The following UGGT2 variants were observed in gnomAD, a reference collection of about 807,000 sequenced individuals.
UGGT2 encodes the protein UDP-glucose:glycoprotein glucosyltransferase 2.
A neutral mutation model predicts 192.1 loss-of-function variants in UGGT2; 180 were observed. That is an observed-to-expected ratio of 0.94 (90% CI 0.83 to 1.06). UGGT2 has a LOEUF of 1.06. UGGT2 is among the 50% of genes least tolerant of loss of function. The probability of loss-of-function intolerance (pLI) is 0.00; values close to 1 mark genes in which losing one functional copy is unlikely to be tolerated. For missense variants in UGGT2, 1,849 were observed against 1,795.7 expected, an observed-to-expected ratio of 1.03 and a Z score of -0.54; for synonymous variants, 580 against 591.0, an observed-to-expected ratio of 0.98 and a Z score of 0.27.
chr13:95,989,412 A>G (rs549844601), intron 8 of UGGT2: 1 of 173,366 alleles, frequency 5.8e-6, no homozygotes, highest in East Asian at 1.6e-4. Context: ...ATCATTACAA[A>G]TAAAGAAGAA....
chr13:95,833,789 T>C (rs1414729197), intron 37 of UGGT2, among the ~76,000 whole-genome samples: 1 of 152,116 alleles, frequency 6.6e-6, no homozygotes, highest in African/African-American at 2.4e-5. Context: ...ATATAAAAAA[T>C]GGATTTGCCA....
chr13:95,865,648 A>G (rs933253249), intron 30 of UGGT2, among the ~76,000 whole-genome samples: 6 of 152,192 alleles, frequency 3.9e-5, no homozygotes, highest in African/African-American at 1.4e-4. Flanking sequence ...TGAGCAACAG[A>G]GCGAGACTAC....
chr13:95,827,058 T>C (rs149400364), intron 38 of UGGT2, among the ~76,000 whole-genome samples: 10 of 152,208 alleles, frequency 6.6e-5, no homozygotes, highest in African/African-American at 1.7e-4. Context: ...ATTTAATATA[T>C]GATAAAGATG....
At chr13:95,860,285 G>A (rs1472698174) in intron 32 of UGGT2, among the ~76,000 whole-genome samples, 3 of 149,078 alleles carry the variant, frequency 2.0e-5, no homozygotes, top group Non-Finnish European at 4.5e-5. Context: ...CACTGGAAAA[G>A]GATAATTTAC....
chr13:95,960,028 G>C (rs769315113), intron 12 of UGGT2, among the ~76,000 whole-genome samples: 4 of 152,134 alleles, frequency 2.6e-5, no homozygotes, highest in Non-Finnish European at 5.9e-5. Flanking sequence ...ATCATACAGA[G>C]ATTACCCTAC....
intron 12 of UGGT2, among the ~76,000 whole-genome samples, chr13:95,957,243 T>C (rs2050237432): frequency 6.6e-6 from 1 of 152,218 alleles, no homozygotes; most frequent in African/African-American, 2.4e-5. Context: ...TGAAAATAAA[T>C]GGTGGTGATG....
intron 24 of UGGT2, among the ~76,000 whole-genome samples, chr13:95,892,043 C>G (rs2047816875): frequency 6.6e-6 from 1 of 152,116 alleles, no homozygotes; most frequent in African/African-American, 2.4e-5. Context: ...ATTAAAGTGA[C>G]TCTTGACAAT....
rs116915520 is a variant in UGGT2 at position 95,948,547 on chromosome 13, G to C, written c.1456-466C>G. 6.1e-3 allele frequency among the ~76,000 whole-genome samples: 934 copies of C among 152,120 alleles called. 3 individuals are homozygous for C. The highest frequency in any genetic ancestry group is 0.011 in the Non-Finnish European group (733 of 67,980). ...TTTCCTATGTGAAAAAACAGCCGTAGGTATTTTCTCCAACTTTCAAAGTTC... is the reference window on the plus strand; with the variant it reads ...TTTCCTATGTGAAAAAACAGCCGTACGTATTTTCTCCAACTTTCAAAGTTC... On this transcript the variant is annotated intron_variant, in intron 13 of 38. Coordinates refer to ENST00000376747, the MANE Select transcript of UGGT2 (RefSeq NM_020121.4).
chr13:96,047,089 T>C (rs1183497320), intron 1 of UGGT2, among the ~76,000 whole-genome samples: 3 of 152,300 alleles, frequency 2.0e-5, no homozygotes, highest in East Asian at 3.9e-4. Flanking sequence ...TGCACACTTA[T>C]ATGTCCCTGT....
intron 29 of UGGT2, among the ~76,000 whole-genome samples, chr13:95,875,441 G>A (rs997877607): frequency 6.6e-6 from 1 of 152,014 alleles, no homozygotes; most frequent in African/African-American, 2.4e-5. Flanking sequence ...GAATATTAAC[G>A]CATTCTGCAA....
chr13:95,894,367 T>C lies in UGGT2; in HGVS notation c.2855+195A>G, dbSNP rs1241501344. Among the ~76,000 whole-genome samples, 2 of 152,130 alleles carry C rather than the reference T, an allele frequency of 1.3e-5. 1 individual carries two copies. Among genetic ancestry groups the C allele is most frequent in the Admixed American group, 1.3e-4 (2 of 15,268 alleles). Reference sequence around the variant, plus strand: ...CTTACTTGAAATTTCGTACACTCTCTCTCCATATATATTACCCTTTATTTA... The same window carrying C: ...CTTACTTGAAATTTCGTACACTCTCCCTCCATATATATTACCCTTTATTTA... On this transcript the variant is annotated intron_variant, in intron 24 of 38. Coordinates refer to ENST00000376747, the MANE Select transcript of UGGT2 (RefSeq NM_020121.4).
At chr13:96,034,820 G>T (rs1451925517) in intron 1 of UGGT2, among the ~76,000 whole-genome samples, 1 of 152,224 alleles carries the variant, frequency 6.6e-6, no homozygotes, top group East Asian at 1.9e-4. Flanking sequence ...GTGCGCAGTG[G>T]CCGGACCCTG....
At chr13:95,916,737 A>C (rs1367055108) in intron 20 of UGGT2, among the ~76,000 whole-genome samples, 1 of 152,226 alleles carries the variant, frequency 6.6e-6, no homozygotes, top group East Asian at 1.9e-4. Flanking sequence ...AAAACACAAC[A>C]TAAGAACTTC....
In UGGT2 at chr13:95,859,628, A is replaced by G. The variant is rs748235506; in HGVS notation, c.3788T>C (p.Phe1263Ser). The change falls in exon 33 of 39, where the codon TTC becomes TCC. Residue 1263 changes from phenylalanine to serine, a missense_variant. Phe to Ser is a radical substitution (Grantham distance 155). Transcript: ENST00000376747. Reference protein sequence around the residue: ...VLRNTKTPVKFWLLKNYLSPT... With the variant: ...VLRNTKTPVKSWLLKNYLSPT... ...TGAGAGATAATTTTTTAGCAACCAG[A>G]ATTTCACTGGTGTTTTGGTGTTACG... 3 of 1,610,480 alleles carry G rather than the reference A, an allele frequency of 1.9e-6. No homozygotes were observed. Among genetic ancestry groups the G allele is most frequent in the African/African-American group, 1.3e-5 (1 of 74,780 alleles).
intron 29 of UGGT2, among the ~76,000 whole-genome samples, chr13:95,870,208 A>G (rs1379171116): frequency 1.3e-5 from 2 of 152,302 alleles, no homozygotes; most frequent in East Asian, 1.9e-4. Flanking sequence ...GAAAAAACTT[A>G]TTTGTGGTAA....
intron 22 of UGGT2, among the ~76,000 whole-genome samples, chr13:95,896,280 C>A (rs2047942879): frequency 6.6e-6 from 1 of 151,992 alleles, no homozygotes; most frequent in Non-Finnish European, 1.5e-5. Context: ...TCTTTCTATC[C>A]CATTTTCTCA....
rs1390077072 is a variant in UGGT2 at position 96,023,145 on chromosome 13, G to C, written c.380C>G (p.Ala127Gly). The C allele has an allele frequency of 6.4e-7, 1 of 1,574,014 alleles. No individual in the cohort carries two copies. Among genetic ancestry groups the C allele is most frequent in the African/African-American group, 1.4e-5 (1 of 73,836 alleles). Reference sequence around the variant, plus strand: ...ACAACCATCTGGTGGTGGCTCATCAGCTGCAATCTAAGATTTCAAAGATTA... The same window carrying C: ...ACAACCATCTGGTGGTGGCTCATCACCTGCAATCTAAGATTTCAAAGATTA... ...PAIQMFQQIA[A>G]DEPPPDGCNA... Residue 127 changes from alanine to glycine, a missense_variant, in exon 4 of 39, where the codon GCT becomes GGT. Coordinates refer to ENST00000376747, the MANE Select transcript of UGGT2 (RefSeq NM_020121.4).
At chr13:95,866,692 C>A (rs1890689939) in intron 30 of UGGT2, among the ~76,000 whole-genome samples, 1 of 151,994 alleles carries the variant, frequency 6.6e-6, no homozygotes, top group Non-Finnish European at 1.5e-5. Context: ...TAATTTTTGT[C>A]CCCTAACCCA....
At position 95,832,926 on chromosome 13, in the gene UGGT2, C is replaced by T. The variant is rs1257433637; in HGVS notation, c.4528+1G>A. The stretch of plus-strand genomic sequence containing the variant: ...GACATCACAACACGTTGATGACTTA[C>T]TTGTATCTTGCTTCTTGTTTTCAAG... On this transcript the variant is annotated splice_donor_variant, in intron 38 of 38. Transcript: ENST00000376747. LOFTEE classifies it high-confidence loss of function. The T allele has an allele frequency of 6.8e-6, 11 of 1,612,002 alleles. No homozygotes were observed. The highest frequency in any genetic ancestry group is 8.5e-7 in the Non-Finnish European group (1 of 1,178,664).
Sources: allele counts gnomAD v4.1 joint callset (sites outside exome capture counted in the v4.1 genomes callset), GRCh38; gene constraint gnomAD v4.1.1; transcripts MANE v1.5; gene names NCBI Gene and HGNC (gene_info 2026-07-23, HGNC 2026-07-21).